Variants in TMEM132D observed in about 807,000 individuals in gnomAD.
The protein encoded by TMEM132D is transmembrane protein 132D, also known as mature OL transmembrane protein.
Under a neutral mutation model 62.3 loss-of-function variants are expected in TMEM132D, and 21 were observed. The observed-to-expected ratio is 0.34, with a 90% CI of 0.24 to 0.49. The LOEUF is 0.49. Among genes scored for constraint, TMEM132D ranks in the 20% least tolerant of loss-of-function variants. The pLI is 0.99. For missense variants in TMEM132D, 1,346 were observed against 1,402.8 expected (o/e 0.96, Z 0.65); for synonymous variants, 621 against 575.6 (o/e 1.08, Z -1.13).
chr12:129,821,773 G>A (rs1381281498), intron 1 of TMEM132D, among the ~76,000 whole-genome samples: 5 of 152,142 alleles, frequency 3.3e-5, no homozygotes, highest in East Asian at 1.9e-4. Flanking sequence ...TGGGCTGGGG[G>A]AAAAGGGCAA....
chr12:129,855,118 G>GGGTGCCCTTATAACA (rs1566009819), intron 1 of TMEM132D, among the ~76,000 whole-genome samples: 4 of 129,458 alleles, frequency 3.1e-5, no homozygotes, highest in Non-Finnish European at 3.4e-5. Context: ...GGAACGGGAT[G>GGGTGCCCTTATAACA]GCTGCCCTTG....
chr12:129,832,496 CTGTT>C (rs1293214438), intron 1 of TMEM132D, among the ~76,000 whole-genome samples: 12 of 152,116 alleles, frequency 7.9e-5, no homozygotes, highest in African/African-American at 2.7e-4. Flanking sequence ...ACCATGGAGC[CTGTT>C]TGTTTATGAA....
intron 3 of TMEM132D, among the ~76,000 whole-genome samples, chr12:129,524,716 A>T (rs1318519786): frequency 6.6e-6 from 1 of 151,620 alleles, no homozygotes; most frequent in Non-Finnish European, 1.5e-5. Flanking sequence ...TGACAAATAT[A>T]TCTCTAAAGT....
At chr12:129,730,534 T>C (rs1254631962) in intron 1 of TMEM132D, among the ~76,000 whole-genome samples, 1 of 152,110 alleles carries the variant, frequency 6.6e-6, no homozygotes, top group East Asian at 1.9e-4. Context: ...CATTCATTTA[T>C]TCACTCTGCA....
chr12:129,865,221 C>A (rs1239133312), intron 1 of TMEM132D, among the ~76,000 whole-genome samples: 2 of 152,142 alleles, frequency 1.3e-5, no homozygotes, highest in Admixed American at 6.5e-5. Flanking sequence ...GGTAGCTCTG[C>A]AATGGTGCAG....
intron 4 of TMEM132D, among the ~76,000 whole-genome samples, chr12:129,309,307 T>G (rs1881916639): frequency 6.6e-6 from 1 of 152,222 alleles, no homozygotes; most frequent in Non-Finnish European, 1.5e-5. Flanking sequence ...TTGTTGTTGT[T>G]AAATGCAAAG....
Position 129,779,116 on chromosome 12 carries a change from C to A in TMEM132D, c.80-78418G>T, listed in dbSNP as rs1871038479. ...CCATTCTCATACAACGAGGCGACTG[C>A]AACAGCTCCAGGCATCACATTCCAA... On this transcript the variant is annotated intron_variant, in intron 1 of 8. Coordinates refer to ENST00000422113, the MANE Select transcript of TMEM132D (RefSeq NM_133448.3). The surrounding 1 kb of genome is among the most constrained non-coding windows in gnomAD (Gnocchi z 4.1). 6.6e-6 allele frequency among the ~76,000 whole-genome samples: 1 copy of A among 152,178 alleles called. No homozygotes were observed. Among genetic ancestry groups the A allele is most frequent in the African/African-American group, 2.4e-5 (1 of 41,432 alleles).
At chr12:129,260,992 T>C (rs1430632019) in intron 4 of TMEM132D, among the ~76,000 whole-genome samples, 1 of 152,228 alleles carries the variant, frequency 6.6e-6, no homozygotes, top group East Asian at 1.9e-4. Context: ...TCTATCTTTT[T>C]CTTATAATGC....
chr12:129,490,142 T>G (rs1278125930), intron 3 of TMEM132D, among the ~76,000 whole-genome samples: 3 of 152,224 alleles, frequency 2.0e-5, no homozygotes, highest in Non-Finnish European at 4.4e-5. Flanking sequence ...ATAGTTCATT[T>G]AGTCAATTTC....
intron 2 of TMEM132D, among the ~76,000 whole-genome samples, chr12:129,681,158 A>C (rs2137208418): frequency 6.6e-6 from 1 of 152,318 alleles, no homozygotes; most frequent in Non-Finnish European, 1.5e-5. Flanking sequence ...CAGCTGGTGT[A>C]TCTACTCTCA....
intron 7 of TMEM132D, 68 bp downstream of exon 7, chr12:129,081,691 C>G (rs1276133533): frequency 8.6e-6 from 13 of 1,510,302 alleles, no homozygotes; most frequent in Non-Finnish European, 1.2e-5. Context: ...GCTGGTTTCT[C>G]CTCTAGGTAG....
At chr12:129,651,672 CAG>C (rs1373378856) in intron 2 of TMEM132D, among the ~76,000 whole-genome samples, 2 of 152,192 alleles carry the variant, frequency 1.3e-5, no homozygotes, top group East Asian at 3.9e-4. Context: ...GTAAAATTAG[CAG>C]AGTTATTCAT....
chr12:129,376,414 C>T (rs1042738665), intron 3 of TMEM132D, among the ~76,000 whole-genome samples: 2 of 152,146 alleles, frequency 1.3e-5, no homozygotes, highest in Non-Finnish European at 2.9e-5. Context: ...TCTAAAGCCA[C>T]CAGATCTCAT....
chr12:129,739,932 A>T (rs746749117), intron 1 of TMEM132D, among the ~76,000 whole-genome samples: 1 of 152,066 alleles, frequency 6.6e-6, no homozygotes, highest in Non-Finnish European at 1.5e-5. Flanking sequence ...ATTCTAAAGA[A>T]CCCTAAAAAT....
At chr12:129,249,217 G>A (rs1201837283) in intron 4 of TMEM132D, among the ~76,000 whole-genome samples, 1 of 152,130 alleles carries the variant, frequency 6.6e-6, no homozygotes, top group East Asian at 1.9e-4. Flanking sequence ...AATATTGAAT[G>A]GGCACTGAAT....
In TMEM132D at chr12:129,300,955, C is replaced by T. The variant is rs551046107; in HGVS notation, c.1299+36679G>A. ...CACTCCCTACTGTAGTTACCCCACT[C>T]CTGTCTCCCTCTTATACAAGGACTC... On this transcript the variant is annotated intron_variant, in intron 4 of 8. Transcript: ENST00000422113. 2.6e-5 allele frequency among the ~76,000 whole-genome samples: 4 copies of T among 152,268 alleles called. No individual in the cohort carries two copies. In the South Asian group the frequency reaches 6.2e-4, roughly 24 times the overall value.
intron 5 of TMEM132D, among the ~76,000 whole-genome samples, chr12:129,164,797 C>T (rs1253525971): frequency 6.6e-6 from 1 of 152,204 alleles, no homozygotes; most frequent in African/African-American, 2.4e-5. Context: ...CCTGGTATCT[C>T]CCTTGACACA....
intron 5 of TMEM132D, among the ~76,000 whole-genome samples, chr12:129,104,340 T>C (rs897449407): frequency 0.02 from 3,019 of 151,926 alleles, 92 homozygotes; most frequent in African/African-American, 0.068. Context: ...GCTAGCCATA[T>C]GTAGAAAGCT....
chr12:129,348,805 G>C (rs1869772818), intron 3 of TMEM132D, among the ~76,000 whole-genome samples: 1 of 152,220 alleles, frequency 6.6e-6, no homozygotes, highest in Non-Finnish European at 1.5e-5. Flanking sequence ...CTGAACCAAT[G>C]ATGGCCGAAA....
Sources: gnomAD v4.1 joint callset for allele counts (sites outside exome capture counted in the v4.1 genomes callset) on GRCh38, gnomAD v4.1.1 for gene constraint, Gnocchi (gnomAD v3.1) non-coding constraint, MANE v1.5 for transcripts, NCBI Gene and HGNC (gene_info 2026-07-23, HGNC 2026-07-21) for gene names.